Variants in RBM7 observed in about 807,000 individuals in gnomAD.
The protein encoded by RBM7 is RNA binding motif protein 7.
Under a neutral mutation model 31.0 loss-of-function variants are expected in RBM7, and 13 were observed. The observed-to-expected ratio is 0.42, with a 90% CI of 0.27 to 0.67. The LOEUF (loss-of-function observed/expected upper bound fraction) is 0.67. Ranked by LOEUF, RBM7 falls within the 30% of genes least tolerant of loss-of-function variation. The pLI, the probability that RBM7 is intolerant of heterozygous loss-of-function variation, is 0.24. For synonymous variants in RBM7, 106 were observed against 111.2 expected, an observed-to-expected ratio of 0.95 and a Z score of 0.30; for missense variants, 245 against 326.2, an observed-to-expected ratio of 0.75 and a Z score of 1.92.
intron 3 of RBM7, among the ~76,000 whole-genome samples, chr11:114,404,524 GT>G (rs1462945724): frequency 6.6e-6 from 1 of 152,072 alleles, no homozygotes; most frequent in African/African-American, 2.4e-5. Context: ...AAAATAAAAA[GT>G]TTTCCCTCTT....
chr11:114,405,981 C>A (rs1389988839), intron 4 of RBM7, 182 bp downstream of exon 4: 1 of 519,862 alleles, frequency 1.9e-6, no homozygotes, highest in South Asian at 2.6e-5. Flanking sequence ...GTTAGACTAG[C>A]ATGATTTGTA....
intron 2 of RBM7, 59 bp downstream of exon 2, chr11:114,401,919 C>T: frequency 6.8e-7 from 1 of 1,478,686 alleles, no homozygotes; most frequent in African/African-American, 1.5e-5. Context: ...ATTTATTATT[C>T]AGTTTTAAAG....
intron 3 of RBM7, among the ~76,000 whole-genome samples, chr11:114,405,154 CT>C (rs1307817736): frequency 1.3e-5 from 2 of 152,192 alleles, no homozygotes; most frequent in African/African-American, 4.8e-5. Context: ...CAATCTAGGT[CT>C]TTGCATTAGC....
At chr11:114,402,972 C>G (rs1946224404) in intron 3 of RBM7, 57 bp downstream of exon 3, 1 of 1,324,486 alleles carries the variant, frequency 7.6e-7, no homozygotes, top group African/African-American at 1.4e-5. Flanking sequence ...TAGGGAATAG[C>G]CTCAAAACAC....
rs1318199444 is a variant in RBM7, at chr11:114,405,808, A to C, written c.441+9A>C. 2.0e-6 allele frequency: 3 copies of C among 1,533,874 alleles called. No individual in the cohort carries two copies. In the Admixed American group the frequency reaches 6.0e-5, roughly 31 times the overall value. On this transcript the variant is annotated intron_variant, in intron 4 of 4. Transcript: ENST00000375490. ...TTCAGAGACAAGCAGTGGTAGGTTG[A>C]CTATTTTTCAACTTGAATTGCCAAA...
chr11:114,408,688 G>T lies in RBM7; in HGVS notation c.*881G>T. The T allele has an allele frequency of 6.6e-6, 1 of 152,488 alleles. No homozygotes were observed. The allele number at this position is 152,488 out of a possible 1,614,324, so 9.4% of individuals were successfully genotyped here. ...TGTGTACAAAGACACATGTAATGGA[G>T]ATTGTACAGGTTGTTTTTTTGTTTG... is the stretch of plus-strand genomic sequence containing the variant. On this transcript the variant is annotated 3_prime_UTR_variant, in exon 5 of 5. Transcript: ENST00000375490.
chr11:114,402,022 A>G, intron 2 of RBM7, 162 bp downstream of exon 2: 1 of 626,278 alleles, frequency 1.6e-6, no homozygotes, highest in Non-Finnish European at 2.5e-6. Context: ...AACGGGTAAC[A>G]TTGACACATG....
intron 3 of RBM7, 57 bp downstream of exon 3, chr11:114,402,972 C>T: frequency 7.6e-7 from 1 of 1,324,486 alleles, no homozygotes; most frequent in South Asian, 1.2e-5. Flanking sequence ...TAGGGAATAG[C>T]CTCAAAACAC....
intron 3 of RBM7, among the ~76,000 whole-genome samples, chr11:114,404,426 A>G (rs964117213): frequency 1.7e-4 from 26 of 152,370 alleles, no homozygotes; most frequent in African/African-American, 6.0e-4. Context: ...AAATTAATTA[A>G]CAGTGTTTAA....
chr11:114,401,126 C>T (rs945549914), intron 1 of RBM7, among the ~76,000 whole-genome samples: 1 of 152,138 alleles, frequency 6.6e-6, no homozygotes, highest in African/African-American at 2.4e-5. Flanking sequence ...TTTGGTTTAT[C>T]TGACTGGGAA....
intron 3 of RBM7, among the ~76,000 whole-genome samples, chr11:114,405,402 C>T (rs912337303): frequency 4.6e-5 from 7 of 152,268 alleles, no homozygotes; most frequent in Admixed American, 2.0e-4. Flanking sequence ...AAGTTTTTGC[C>T]TCTAGGTAAC....
chr11:114,401,438 A>T (rs1177046794), intron 1 of RBM7, among the ~76,000 whole-genome samples: 1 of 152,216 alleles, frequency 6.6e-6, no homozygotes, highest in Non-Finnish European at 1.5e-5. Context: ...ATTGGTCACT[A>T]TGTTAAGCCA....
rs534414948 is a variant in RBM7, at chr11:114,408,925, AT to A, written c.*1131del. The A allele has an allele frequency of 0.012, 1,732 of 144,302 alleles. 23 individuals carry two copies. Among genetic ancestry groups the A allele is most frequent in the Middle Eastern group, 0.036 (10 of 276 alleles). 8.9% of individuals were successfully genotyped at this position (144,302 alleles called of 1,614,324 possible). The stretch of plus-strand genomic sequence containing the variant: ...AAATATAAAAGGAAGGGTGTGTGTT[AT>A]TTTTTTTTTTTTATGTCACTGACTT... On this transcript the variant is annotated 3_prime_UTR_variant, in exon 5 of 5. Coordinates refer to ENST00000375490, the MANE Select transcript of RBM7 (RefSeq NM_001286045.2).
At chr11:114,402,544 C>T (rs1264478821) in intron 2 of RBM7, among the ~76,000 whole-genome samples, 4 of 151,514 alleles carry the variant, frequency 2.6e-5, no homozygotes, top group African/African-American at 9.7e-5. Flanking sequence ...GCTGGGATTA[C>T]AGGTGCACGC....
chr11:114,402,382 CTTTTTTTTTTTTTTTTTTTTTTT>C (rs71063570), intron 2 of RBM7, among the ~76,000 whole-genome samples: 14 of 50,162 alleles, frequency 2.8e-4, no homozygotes, highest in Non-Finnish European at 4.7e-4. Flanking sequence ...GCTTGAGATT[CTTTTTTTTTTTTTTTTTTTTTTT>C]TTTTTTTTTT....
In RBM7 at chr11:114,400,702, A is replaced by T. The variant is rs190030485; in HGVS notation, c.31A>T (p.Thr11Ser). ...GGCGGCGGCGGCGGAAGCGGATCGCACTCTCTTTGTGGGCAACCTTGAAAC... is the reference window on the plus strand; with the variant it reads ...GGCGGCGGCGGCGGAAGCGGATCGCTCTCTCTTTGTGGGCAACCTTGAAAC... MGAAAAEADR[T>S]LFVGNLETKV... Residue 11 changes from threonine to serine, a missense_variant, in exon 1 of 5, where the codon ACT (threonine) becomes TCT (serine). Thr to Ser is a moderately conservative substitution (Grantham distance 58). Coordinates refer to ENST00000375490, the MANE Select transcript of RBM7 (RefSeq NM_001286045.2). The T allele has an allele frequency of 2.2e-5, 36 of 1,613,886 alleles. No homozygotes were observed. The highest frequency in any genetic ancestry group is 2.8e-5 in the Non-Finnish European group (33 of 1,180,002).
At position 114,410,110 on chromosome 11, in the gene RBM7, G is replaced by A. The variant is rs954013417; in HGVS notation, c.*2303G>A. On this transcript the variant is annotated 3_prime_UTR_variant, in exon 5 of 5. Coordinates refer to ENST00000375490, the MANE Select transcript of RBM7 (RefSeq NM_001286045.2). ...TGGAGCATTTCAGATTTCAGATTTG[G>A]GATGCTTCATCTATATTGACAGCTG... 1 of 152,024 alleles carries A rather than the reference G, an allele frequency of 6.6e-6. No homozygotes were observed. The highest frequency in any genetic ancestry group is 2.4e-5 in the African/African-American group (1 of 41,374). The allele number at this position is 152,024 out of a possible 1,614,324, so 9.4% of individuals were successfully genotyped here. A position where few individuals can be genotyped will look rare whatever the true frequency, so the allele number is the denominator to read the frequency against.
At chr11:114,402,998 C>T (rs1591197888) in intron 3 of RBM7, 83 bp downstream of exon 3, 1 of 1,138,570 alleles carries the variant, frequency 8.8e-7, no homozygotes, top group Middle Eastern at 2.3e-4. Context: ...TAAATAGTCT[C>T]CTTCATTATT....
Position 114,408,553 on chromosome 11 carries a change from A to G in RBM7, c.*746A>G, listed in dbSNP as rs1946298336. 6.5e-6 allele frequency: 1 copy of G among 152,774 alleles called. No individual in the cohort carries two copies. The highest frequency in any genetic ancestry group is 2.1e-4 in the South Asian group (1 of 4,826). 9.5% of individuals were successfully genotyped at this position (152,774 alleles called of 1,614,324 possible). On this transcript the variant is annotated 3_prime_UTR_variant, in exon 5 of 5. Coordinates refer to ENST00000375490, the MANE Select transcript of RBM7 (RefSeq NM_001286045.2). ...CAGTGCATAGTTAGATAAAATGGTA[A>G]AATGTTTTACTGAAAGCATACTTTT...
Sources: allele counts gnomAD v4.1 joint callset (sites outside exome capture counted in the v4.1 genomes callset), GRCh38; gene constraint gnomAD v4.1.1; transcripts MANE v1.5; gene names NCBI Gene and HGNC (gene_info 2026-07-23, HGNC 2026-07-21).